The following CELSR2 variants were observed in gnomAD, a reference collection of about 807,000 sequenced individuals.
CELSR2 encodes cadherin EGF LAG seven-pass G-type receptor 2.
CELSR2 carries 81 observed loss-of-function variants against 251.6 expected under a neutral mutation model. The ratio of observed to expected loss-of-function variants is 0.32; its 90% CI spans 0.27 to 0.39. CELSR2 has a LOEUF of 0.39. Ranked by LOEUF, CELSR2 falls within the 10% of genes least tolerant of loss-of-function variation. CELSR2 has a pLI of 1.00. For missense variants in CELSR2, 3,365 were observed against 3,947.7 expected (o/e 0.85, Z 3.96); for synonymous variants, 1,721 against 1,670.5 (o/e 1.03, Z -0.74).
rs1344384359 is a variant in CELSR2, at chr1:109,273,490, G to C, written c.8564G>C (p.Arg2855Pro). 1 of 1,611,680 alleles carries C rather than the reference G, an allele frequency of 6.2e-7. No individual in the cohort carries two copies. The highest frequency in any genetic ancestry group is 2.2e-5 in the East Asian group (1 of 44,752). The change falls in exon 33 of 34, where the codon CGG (arginine) becomes CCG (proline). Residue 2855 changes from arginine to proline, a missense_variant. Coordinates refer to ENST00000271332, the MANE Select transcript of CELSR2 (RefSeq NM_001408.3). ...ATCAGCGAGAAGAGCAGCCTCCTGC[G>C]GCTCCCCCTGGAGCAATGCACAGGG... is the stretch of plus-strand genomic sequence containing the variant. ...PTISEKSSLL[R>P]LPLEQCTGSS...
At position 109,271,479 on chromosome 1, in the gene CELSR2, C is replaced by T; in HGVS notation, c.7770C>T (p.Phe2590=). 6.2e-7 allele frequency: 1 copy of T among 1,614,198 alleles called. No individual in the cohort carries two copies. The highest frequency in any genetic ancestry group is 8.5e-7 in the Non-Finnish European group (1 of 1,180,038). Residue 2590 remains phenylalanine (F), a synonymous_variant, in exon 27 of 34, where the codon TTC becomes TTT. Transcript: ENST00000271332. ...LLSVNSDTLL[F]HYLFATCNCI... ...CTGTCAACAGCGACACCCTCCTCTTCCACTACCTCTTTGCTACCTGCAATT... is the reference window on the plus strand; with the variant it reads ...CTGTCAACAGCGACACCCTCCTCTTTCACTACCTCTTTGCTACCTGCAATT...
In CELSR2 at chr1:109,274,043, G is replaced by A; in HGVS notation, c.8766G>A (p.Leu2922=). 2 of 1,614,046 alleles carry A rather than the reference G, an allele frequency of 1.2e-6. No individual in the cohort carries two copies. The highest frequency in any genetic ancestry group is 1.7e-6 in the Non-Finnish European group (2 of 1,180,008). The change falls in exon 34 of 34, where the codon CTG becomes CTA. Residue 2922 remains leucine (L), a synonymous_variant. Coordinates refer to ENST00000271332, the MANE Select transcript of CELSR2 (RefSeq NM_001408.3). The part of the protein sequence containing the change: ...SGSEFLFFNF[L]H ...CCAGATTTCTCTTCTTTAACTTCCT[G>A]CATTAACCCTGGGCCGTGGTTCCTA...
rs974876204 is a variant in CELSR2 at position 109,250,689 on chromosome 1, A to G, written c.610A>G (p.Arg204Gly). Residue 204 changes from arginine (R) to glycine (G), a missense_variant, in exon 1 of 34, where the codon AGG (arginine) becomes GGG (glycine). By Grantham distance (125) the Arg-to-Gly change is moderately radical (BLOSUM62 -2). Around this residue, in one of 5 missense-constraint regions of CELSR2, gnomAD observed 704 missense variants for 784.1 expected, o/e 0.90. Coordinates refer to ENST00000271332, the MANE Select transcript of CELSR2 (RefSeq NM_001408.3). The surrounding 1 kb of genome is among the most constrained non-coding windows in gnomAD (Gnocchi z 4.4). Reference protein sequence around the residue: ...QPAGTPVASLRAIDPDEGEAG... With the variant: ...QPAGTPVASLGAIDPDEGEAG... ...AGCAGGCACCCCTGTTGCATCCCTG[A>G]GGGCCATCGACCCGGACGAGGGTGA... The G allele has an allele frequency of 6.8e-6, 11 of 1,613,928 alleles. No homozygotes were observed. The highest frequency in any genetic ancestry group is 1.3e-5 in the African/African-American group (1 of 74,896).
Position 109,269,562 on chromosome 1 carries a change from C to T in CELSR2, c.6951C>T (p.Pro2317=), listed in dbSNP as rs766697128. ...TGGAGACAGAGGAGCGGACCAAGCC[C>T]ATCTGTGTCTTCTGGAACCATTCAA... The part of the protein sequence containing the change: ...RLLETEERTK[P]ICVFWNHSIL... Residue 2317 remains proline (P), a synonymous_variant, in exon 21 of 34, where the codon CCC becomes CCT. Transcript: ENST00000271332. The surrounding 1 kb of genome is among the most constrained non-coding windows in gnomAD (Gnocchi z 6.4). 7 of 1,614,030 alleles carry T rather than the reference C, an allele frequency of 4.3e-6. No homozygotes were observed. Among genetic ancestry groups the T allele is most frequent in the Non-Finnish European group, 5.9e-6 (7 of 1,180,034 alleles).
chr1:109,268,232 A>C (rs1042817493), intron 17 of CELSR2, among the ~76,000 whole-genome samples, 172 bp downstream of exon 17: 1 of 151,886 alleles, frequency 6.6e-6, no homozygotes. Context: ...CCTCTTCCCA[A>C]CCCTTCTCAT....
At position 109,268,539 on chromosome 1, in the gene CELSR2, T is replaced by C. The variant is rs1656272766; in HGVS notation, c.6319-42T>C. On this transcript the variant is annotated intron_variant, in intron 17 of 33. Transcript: ENST00000271332. The stretch of plus-strand genomic sequence containing the variant: ...GGGGCTCCATGGTGGGGATGTCAGG[T>C]GTGGGTTGTGAGCACACCCACCGTG... 10 of 1,561,184 alleles carry C rather than the reference T, an allele frequency of 6.4e-6. 1 individual carries two copies. In the South Asian group the frequency reaches 1.1e-4, roughly 17 times the overall value.
chr1:109,265,582 T>C lies in CELSR2; in HGVS notation c.5728-153T>C, dbSNP rs1656163048. Among the ~76,000 whole-genome samples, 4 of 152,298 alleles carry C rather than the reference T, an allele frequency of 2.6e-5. No homozygotes were observed. In the South Asian group the frequency reaches 8.3e-4, roughly 32 times the overall value. ...GTGACATCTCGCTGATGGGCTCAAC[T>C]CCAAAGCATTGCTAGTGTTAATTAT... On this transcript the variant is annotated intron_variant, in intron 13 of 33. Transcript: ENST00000271332.
Position 109,266,129 on chromosome 1 carries a change from C to T in CELSR2, c.5936C>T (p.Ala1979Val), listed in dbSNP as rs141290318. Residue 1979 changes from alanine (A) to valine (V), a missense_variant, in exon 15 of 34, where the codon GCG becomes GTG. Ala to Val is a moderately conservative substitution (Grantham distance 64). Transcript: ENST00000271332. ...CEVNYDSCPR[A>V]IEAGIWWPRT... Reference sequence around the variant, plus strand: ...GTGAATTATGACAGCTGCCCACGAGCGATTGAGGCTGGGATCTGGTGGCCC... The same window carrying T: ...GTGAATTATGACAGCTGCCCACGAGTGATTGAGGCTGGGATCTGGTGGCCC... The T allele has an allele frequency of 9.3e-6, 15 of 1,613,946 alleles. No homozygotes were observed. Among genetic ancestry groups the T allele is most frequent in the African/African-American group, 4.0e-5 (3 of 74,916 alleles).
At position 109,269,556 on chromosome 1, in the gene CELSR2, C is replaced by G; in HGVS notation, c.6945C>G (p.Thr2315=). ...QFRLLETEER[T]KPICVFWNHS... ...GCCTGCTGGAGACAGAGGAGCGGAC[C>G]AAGCCCATCTGTGTCTTCTGGAACC... The change falls in exon 21 of 34, where the codon ACC becomes ACG. Residue 2315 remains threonine, a synonymous_variant. Coordinates refer to ENST00000271332, the MANE Select transcript of CELSR2 (RefSeq NM_001408.3). This position sits in a 1 kb window ranked among gnomAD's most constrained non-coding sequence, Gnocchi z 6.4. 6.2e-7 allele frequency: 1 copy of G among 1,614,112 alleles called. No homozygotes were observed.
chr1:109,272,178 G>A, intron 28 of CELSR2, 100 bp from the exon 29 acceptor site: 3 of 1,426,018 alleles, frequency 2.1e-6, no homozygotes, highest in Non-Finnish European at 2.8e-6. Flanking sequence ...TGAGCATGTG[G>A]AAGGTGGAAC....
chr1:109,268,719 C>T lies in CELSR2; in HGVS notation c.6457C>T (p.Arg2153Trp), dbSNP rs747637383. 6.0e-5 allele frequency: 97 copies of T among 1,612,060 alleles called. No individual in the cohort carries two copies. Among genetic ancestry groups the T allele is most frequent in the Non-Finnish European group, 7.4e-5 (87 of 1,178,556 alleles). Residue 2153 changes from arginine to tryptophan, a missense_variant, in exon 18 of 34, where the codon CGG becomes TGG. This residue lies in a region of CELSR2 where 2,093 missense variants were observed against 2,382.8 expected (regional missense o/e 0.88). Coordinates refer to ENST00000271332, the MANE Select transcript of CELSR2 (RefSeq NM_001408.3). ...CGCCAGTGCCCTGGCCCAGAACATG[C>T]GGCACACCTACCTAAGCCCCTTCAC... ...AYASALAQNMRHTYLSPFTIV... is the reference protein window; with the variant it reads ...AYASALAQNMWHTYLSPFTIV...
Position 109,274,233 on chromosome 1 carries a change from G to C in CELSR2, c.*184G>C. On this transcript the variant is annotated 3_prime_UTR_variant, in exon 34 of 34. Transcript: ENST00000271332. ...TACTCACCCCACCTAAGGCCATCTA[G>C]TGCCAACTCCCCCCCCACCATTCCC... 1.4e-6 allele frequency: 2 copies of C among 1,427,206 alleles called. No homozygotes were observed. Among genetic ancestry groups the C allele is most frequent in the East Asian group, 2.4e-5 (1 of 40,890 alleles). 88.4% of individuals were successfully genotyped at this position (1,427,206 alleles called of 1,614,324 possible). A position where few individuals can be genotyped will look rare whatever the true frequency, so the allele number is the denominator to read the frequency against.
chr1:109,258,923 C>G lies in CELSR2; in HGVS notation c.3802C>G (p.Pro1268Ala). The G allele has an allele frequency of 1.2e-6, 2 of 1,612,202 alleles. No individual in the cohort carries two copies. The highest frequency in any genetic ancestry group is 8.5e-7 in the Non-Finnish European group (1 of 1,179,532). The change falls in exon 2 of 34, where the codon CCC becomes GCC. Residue 1268 changes from proline to alanine, a missense_variant. Pro to Ala is a conservative substitution (Grantham distance 27, BLOSUM62 -1). Around this residue, in one of 5 missense-constraint regions of CELSR2, gnomAD observed 2,093 missense variants for 2,382.8 expected, o/e 0.88. Transcript: ENST00000271332. ...SSSVLFRPIH[P>A]VGGLRCRCPP... ...CTCCGTGCTCTTCCGGCCCATCCAC[C>G]CCGTCGGAGGGCTGCGCTGCCGCTG...
At position 109,266,164 on chromosome 1, in the gene CELSR2, T is replaced by C; in HGVS notation, c.5971T>C (p.Phe1991Leu). 1.2e-6 allele frequency: 2 copies of C among 1,614,128 alleles called. No individual in the cohort carries two copies. Among genetic ancestry groups the C allele is most frequent in the Non-Finnish European group, 1.7e-6 (2 of 1,180,024 alleles). ...EAGIWWPRTR[F>L]GLPAAAPCPK... ...TGGGATCTGGTGGCCCCGTACCCGC[T>C]TCGGGCTGCCTGCTGCTGCTCCCTG... The change falls in exon 15 of 34, where the codon TTC (phenylalanine) becomes CTC (leucine). Residue 1991 changes from phenylalanine (F) to leucine (L), a missense_variant. Physicochemically the swap from Phe to Leu is conservative, Grantham distance 22. Coordinates refer to ENST00000271332, the MANE Select transcript of CELSR2 (RefSeq NM_001408.3).
In CELSR2 at chr1:109,273,436, G is replaced by C. The variant is rs765188344; in HGVS notation, c.8510G>C (p.Gly2837Ala). ...CTCACAGCCCCGCCCCGGCCCACAG[G>C]CATCCTTAAGAAGAAGTGTCTGCCC... ...LPGSSAQPHKGILKKKCLPTI... is the reference protein window; with the variant it reads ...LPGSSAQPHKAILKKKCLPTI... The change falls in exon 33 of 34, where the codon GGC becomes GCC. Residue 2837 changes from glycine to alanine, a missense_variant and splice_region_variant. By Grantham distance (60) the Gly-to-Ala change is moderately conservative. This residue lies in a region of CELSR2 where 2,093 missense variants were observed against 2,382.8 expected (regional missense o/e 0.88). Transcript: ENST00000271332. The C allele has an allele frequency of 1.9e-6, 3 of 1,610,938 alleles. No individual in the cohort carries two copies. In the Admixed American group the frequency reaches 5.0e-5, roughly 27 times the overall value.
At position 109,250,934 on chromosome 1, in the gene CELSR2, T is replaced by A; in HGVS notation, c.855T>A (p.His285Gln). 10 of 1,613,796 alleles carry A rather than the reference T, an allele frequency of 6.2e-6. No individual in the cohort carries two copies. Among genetic ancestry groups the A allele is most frequent in the Non-Finnish European group, 5.9e-6 (7 of 1,180,024 alleles). ...LTILVTDTND[H>Q]DPVFEQQEYK... ...TCTTGGTTACTGACACCAATGACCA[T>A]GACCCTGTGTTCGAGCAGCAGGAGT... The change falls in exon 1 of 34, where the codon CAT becomes CAA. Residue 285 changes from histidine (H) to glutamine (Q), a missense_variant. His to Gln is a conservative substitution (Grantham distance 24). Around this residue, in one of 5 missense-constraint regions of CELSR2, gnomAD observed 704 missense variants for 784.1 expected, o/e 0.90. Transcript: ENST00000271332. This position sits in a 1 kb window ranked among gnomAD's most constrained non-coding sequence, Gnocchi z 4.4.
chr1:109,266,032 G>A (rs1279458710), intron 14 of CELSR2, 73 bp from the exon 15 acceptor site: 43 of 1,593,510 alleles, frequency 2.7e-5, no homozygotes, highest in Admixed American at 5.1e-5. Flanking sequence ...GGAGGCCTAG[G>A]GAGGGCTGGG....
In CELSR2 at chr1:109,252,598, C is replaced by T; in HGVS notation, c.2519C>T (p.Thr840Ile). 6.2e-7 allele frequency: 1 copy of T among 1,613,948 alleles called. No homozygotes were observed. Among genetic ancestry groups the T allele is most frequent in the Non-Finnish European group, 8.5e-7 (1 of 1,180,046 alleles). Reference sequence around the variant, plus strand: ...ACTAGCGTCCTGCAGATCTCAGCCACTGATCGTGATTCTGGACTTAATGGC... The same window carrying T: ...ACTAGCGTCCTGCAGATCTCAGCCATTGATCGTGATTCTGGACTTAATGGC... ...PFTSVLQISA[T>I]DRDSGLNGRV... is the part of the protein sequence containing the mutation. The change falls in exon 1 of 34, where the codon ACT becomes ATT. Residue 840 changes from threonine to isoleucine, a missense_variant. By Grantham distance (89) the Thr-to-Ile change is moderately conservative. Around this residue, in one of 5 missense-constraint regions of CELSR2, gnomAD observed 505 missense variants for 660.0 expected, o/e 0.77. Transcript: ENST00000271332. The surrounding 1 kb of genome is among the most constrained non-coding windows in gnomAD (Gnocchi z 4.8).
intron 33 of CELSR2, 69 bp from the exon 34 acceptor site, chr1:109,273,953 C>T: frequency 1.3e-6 from 2 of 1,581,236 alleles, no homozygotes; most frequent in South Asian, 2.2e-5. Context: ...TGAAAGCTTT[C>T]ACTCTCTCCT....
Sources: allele counts gnomAD v4.1 joint callset (sites outside exome capture counted in the v4.1 genomes callset), GRCh38; gene constraint gnomAD v4.1.1; regional missense constraint gnomAD v4.1.1; non-coding constraint Gnocchi (gnomAD v3.1); transcripts MANE v1.5; gene names NCBI Gene and HGNC (gene_info 2026-07-23, HGNC 2026-07-21).